AGBL5: variants seen among roughly 807,000 people sequenced by gnomAD.
AGBL5 encodes AGBL carboxypeptidase 5.
Under a neutral mutation model 88.0 loss-of-function variants are expected in AGBL5, and 51 were observed. That is an observed-to-expected ratio of 0.58 (90% confidence interval 0.46 to 0.73). The LOEUF (loss-of-function observed/expected upper bound fraction) is 0.73, where lower values mean the gene tolerates loss of function less well. Ranked by LOEUF, AGBL5 falls within the 30% of genes least tolerant of loss-of-function variation. The pLI is 0.00. For missense variants in AGBL5, 1,031 were observed against 1,162.2 expected (o/e 0.89, Z 1.64); for synonymous variants, 446 against 438.8 (o/e 1.02, Z -0.21).
At chr2:27,051,217 G>T (rs935396160), upstream of AGBL5, among the ~76,000 whole-genome samples, 6 of 152,208 alleles carry the variant, frequency 3.9e-5, no homozygotes, top group Non-Finnish European at 5.9e-5. Context: ...AGCAGGCGGG[G>T]GATTAGCTCA....
chr2:27,068,741 G>A lies in AGBL5; in HGVS notation c.2352G>A (p.Leu784=). ...GARMPCIKTR[L]QARPRLGRGS... ...GGATGCCCTGCATCAAGACTCGATT[G>A]CAGGTAATATTTTTGGGTCTCCAGC... The change falls in exon 13 of 15, where the codon TTG becomes TTA. Residue 784 remains leucine (L), a synonymous_variant. Coordinates refer to ENST00000360131, the MANE Select transcript of AGBL5 (RefSeq NM_021831.6). 5 of 1,614,064 alleles carry A rather than the reference G, an allele frequency of 3.1e-6. No individual in the cohort carries two copies. Among genetic ancestry groups the A allele is most frequent in the South Asian group, 2.2e-5 (2 of 91,060 alleles).
chr2:27,062,045 C>T (rs908453731), intron 11 of AGBL5, among the ~76,000 whole-genome samples: 7 of 151,920 alleles, frequency 4.6e-5, no homozygotes, highest in African/African-American at 1.7e-4. Context: ...AACTCCTGAC[C>T]TCAGGCGGAT....
intron 1 of AGBL5, 154 bp downstream of exon 1, chr2:27,051,947 C>T (rs946870466): frequency 2.6e-5 from 4 of 152,446 alleles, no homozygotes; most frequent in African/African-American, 9.7e-5. Context: ...CCCCGCCCAG[C>T]TCCGTGGCCT....
intron 10 of AGBL5, among the ~76,000 whole-genome samples, chr2:27,058,824 G>T (rs1486782733): frequency 6.6e-6 from 1 of 152,200 alleles, no homozygotes; most frequent in Non-Finnish European, 1.5e-5. Flanking sequence ...TGAGTATCAG[G>T]CTTGGGATTC....
chr2:27,052,722 G>T (rs910753769), intron 1 of AGBL5, among the ~76,000 whole-genome samples, 191 bp from the exon 2 acceptor site: 1 of 152,196 alleles, frequency 6.6e-6, no homozygotes, highest in African/African-American at 2.4e-5. Context: ...ACAACCCTTA[G>T]TGTTGGGGTA....
At chr2:27,050,781 G>C (rs575873527), upstream of AGBL5, among the ~76,000 whole-genome samples, 2 of 152,342 alleles carry the variant, frequency 1.3e-5, no homozygotes, top group East Asian at 1.9e-4. Flanking sequence ...TCGCAGCGGA[G>C]CCTTCGATAG....
In AGBL5 at chr2:27,053,035, A is replaced by G; in HGVS notation, c.77A>G (p.Glu26Gly). Residue 26 changes from glutamate to glycine, a missense_variant, in exon 2 of 15, where the codon GAA becomes GGA. This residue lies in a region of AGBL5 where 540 missense variants were observed against 678.2 expected (regional missense o/e 0.80). Transcript: ENST00000360131. This position sits in a 1 kb window ranked among gnomAD's most constrained non-coding sequence, Gnocchi z 4.9. ...SGNLAHVEKV[E>G]SLSSDGEGVG... The stretch of plus-strand genomic sequence containing the variant: ...AATCTAGCCCACGTGGAGAAGGTGG[A>G]ATCTTTGTCCAGTGATGGGGAAGGG... The G allele has an allele frequency of 1.9e-6, 3 of 1,613,764 alleles. No homozygotes were observed. The highest frequency in any genetic ancestry group is 2.5e-6 in the Non-Finnish European group (3 of 1,179,866).
chr2:27,053,338 C>A lies in AGBL5; in HGVS notation c.216-64C>A, dbSNP rs1668268814. ...TTTCCCAGTTTGGCTGGCTCCGGCT[C>A]TCCCACAGACCATATCTCCAACCCT... is the stretch of plus-strand genomic sequence containing the variant. On this transcript the variant is annotated intron_variant, in intron 2 of 14. Coordinates refer to ENST00000360131, the MANE Select transcript of AGBL5 (RefSeq NM_021831.6). This position sits in a 1 kb window ranked among gnomAD's most constrained non-coding sequence, Gnocchi z 4.9. The A allele has an allele frequency of 6.4e-7, 1 of 1,570,600 alleles. No homozygotes were observed. The highest frequency in any genetic ancestry group is 1.4e-5 in the African/African-American group (1 of 73,690).
chr2:27,058,375 T>C lies in AGBL5; in HGVS notation c.1672-25T>C, dbSNP rs780458482. On this transcript the variant is annotated intron_variant, in intron 9 of 14. Transcript: ENST00000360131. The stretch of plus-strand genomic sequence containing the variant: ...AGCCTGGATGGGAGGACCAGCATGC[T>C]GAGCCAAACTGGACTACCCCACAGG... 2.2e-5 allele frequency: 35 copies of C among 1,612,228 alleles called. No homozygotes were observed. In the South Asian group the frequency reaches 3.7e-4, roughly 17 times the overall value.
rs1461934475 is a variant in AGBL5 at position 27,053,869 on chromosome 2, C to T, written c.388-27C>T. ...TCAGTTCTGACAATGGCATGTTGCC[C>T]CTCCCTCTTCCTCCTCTGCTCTTCA... On this transcript the variant is annotated intron_variant, in intron 3 of 14. Coordinates refer to ENST00000360131, the MANE Select transcript of AGBL5 (RefSeq NM_021831.6). The surrounding 1 kb of genome is among the most constrained non-coding windows in gnomAD (Gnocchi z 4.9). 1 of 1,594,476 alleles carries T rather than the reference C, an allele frequency of 6.3e-7. No individual in the cohort carries two copies. The highest frequency in any genetic ancestry group is 8.6e-7 in the Non-Finnish European group (1 of 1,167,404).
At chr2:27,065,556 C>G (rs751842362) in intron 11 of AGBL5, among the ~76,000 whole-genome samples, 1 of 152,168 alleles carries the variant, frequency 6.6e-6, no homozygotes, top group African/African-American at 2.4e-5. Flanking sequence ...CAACAAAGTC[C>G]CTACTCCCAA....
At chr2:27,061,486 G>A (rs1029443353) in intron 11 of AGBL5, among the ~76,000 whole-genome samples, 4 of 152,026 alleles carry the variant, frequency 2.6e-5, no homozygotes, top group South Asian at 2.1e-4. Flanking sequence ...CGCCTGCCTC[G>A]GCCTCCCAAA....
chr2:27,054,496 A>C (rs1443803480), intron 4 of AGBL5, 134 bp from the exon 5 acceptor site: 2 of 795,552 alleles, frequency 2.5e-6, no homozygotes, highest in East Asian at 2.5e-5. Context: ...GCCTCATTTA[A>C]CATTGTGAGG....
At chr2:27,056,491 G>A (rs893458455) in intron 7 of AGBL5, 132 bp from the exon 8 acceptor site, 12 of 809,274 alleles carry the variant, frequency 1.5e-5, no homozygotes, top group Non-Finnish European at 2.1e-5. Flanking sequence ...AATTCAGGCA[G>A]CACTGATTAC....
intron 11 of AGBL5, among the ~76,000 whole-genome samples, chr2:27,064,708 T>A (rs545386433): frequency 2.0e-5 from 3 of 151,832 alleles, no homozygotes; most frequent in Non-Finnish European, 4.4e-5. Context: ...GTATCGATTT[T>A]TTTTTTCCAT....
At position 27,070,295 on chromosome 2, in the gene AGBL5, C is replaced by A. The variant is rs1036511327; in HGVS notation, c.*32C>A. Reference sequence around the variant, plus strand: ...CTTTATGTTCAAGCCCAGGATATAGCCCCAAGATGGGGTAACAGTGGGAAA... The same window carrying A: ...CTTTATGTTCAAGCCCAGGATATAGACCCAAGATGGGGTAACAGTGGGAAA... On this transcript the variant is annotated 3_prime_UTR_variant, in exon 15 of 15. Transcript: ENST00000360131. The A allele has an allele frequency of 6.2e-7, 1 of 1,603,094 alleles. No homozygotes were observed. Among genetic ancestry groups the A allele is most frequent in the Non-Finnish European group, 8.5e-7 (1 of 1,170,222 alleles).
intron 1 of AGBL5, 139 bp from the exon 2 acceptor site, chr2:27,052,774 C>T (rs75476767): frequency 3.2e-5 from 16 of 495,924 alleles, no homozygotes; most frequent in Non-Finnish European, 5.5e-5. Flanking sequence ...AAGACCACTT[C>T]TATGTTTTCT....
chr2:27,050,830 T>G (rs887974624), upstream of AGBL5, among the ~76,000 whole-genome samples: 1 of 152,210 alleles, frequency 6.6e-6, no homozygotes, highest in Admixed American at 6.5e-5. Flanking sequence ...GGATAGGGCG[T>G]GGCAATCCTT....
intron 9 of AGBL5, 107 bp from the exon 10 acceptor site, chr2:27,058,293 T>G: frequency 1.5e-6 from 2 of 1,311,472 alleles, no homozygotes; most frequent in Non-Finnish European, 2.2e-6. Flanking sequence ...AATGAGCAAA[T>G]TATAGGTCTG....
Sources: allele counts gnomAD v4.1 joint callset (sites outside exome capture counted in the v4.1 genomes callset), GRCh38; gene constraint gnomAD v4.1.1; regional missense constraint gnomAD v4.1.1; non-coding constraint Gnocchi (gnomAD v3.1); transcripts MANE v1.5; gene names NCBI Gene and HGNC (gene_info 2026-07-23, HGNC 2026-07-21).